The following MPZL1 variants were observed in gnomAD, a reference collection of about 807,000 sequenced individuals.
MPZL1 encodes the protein myelin protein zero like 1, also known as myelin protein zero-like protein 1.
MPZL1 carries 16 observed loss-of-function variants against 29.3 expected under a neutral mutation model. That is an observed-to-expected ratio of 0.55 (90% CI 0.37 to 0.83). The LOEUF is 0.83. MPZL1 is among the 40% of genes least tolerant of loss of function. The pLI is 0.00. For missense variants in MPZL1, 279 were observed against 332.9 expected, an observed-to-expected ratio of 0.84 and a Z score of 1.26; for synonymous variants, 143 against 132.0, an observed-to-expected ratio of 1.08 and a Z score of -0.57.
chr1:167,759,059 G>C (rs1214005702), intron 1 of MPZL1, among the ~76,000 whole-genome samples: 1 of 152,020 alleles, frequency 6.6e-6, no homozygotes, highest in Non-Finnish European at 1.5e-5. Flanking sequence ...TTTTATTCAG[G>C]AATCAACAGA....
chr1:167,787,634 T>C (rs752116657), intron 5 of MPZL1, among the ~76,000 whole-genome samples, 186 bp from the exon 6 acceptor site: 8 of 152,248 alleles, frequency 5.3e-5, no homozygotes, highest in African/African-American at 9.6e-5. Context: ...TGTCAACGTA[T>C]GTCCAATCTT....
chr1:167,746,044 C>T (rs1387170531), intron 1 of MPZL1, among the ~76,000 whole-genome samples: 3 of 152,062 alleles, frequency 2.0e-5, no homozygotes, highest in Non-Finnish European at 4.4e-5. Context: ...ACAATTTTTA[C>T]ACCTTTATAA....
intron 1 of MPZL1, among the ~76,000 whole-genome samples, chr1:167,738,071 G>A (rs949364182): frequency 1.3e-5 from 2 of 152,132 alleles, no homozygotes; most frequent in East Asian, 1.9e-4. Flanking sequence ...GACTACAGGC[G>A]CCTGCCACTG....
intron 5 of MPZL1, among the ~76,000 whole-genome samples, chr1:167,783,312 A>G (rs1661530611): frequency 6.6e-6 from 1 of 152,188 alleles, no homozygotes; most frequent in African/African-American, 2.4e-5. Flanking sequence ...TTAGAGTGTT[A>G]AGGCACTGTG....
intron 5 of MPZL1, chr1:167,787,173 T>C (rs1026929846): frequency 2.0e-5 from 3 of 152,218 alleles, no homozygotes; most frequent in Non-Finnish European, 4.4e-5. Context: ...TTTAATTTTA[T>C]TTTAAAACAG....
intron 1 of MPZL1, among the ~76,000 whole-genome samples, chr1:167,753,889 C>G (rs1660811566): frequency 6.6e-6 from 1 of 151,992 alleles, no homozygotes; most frequent in South Asian, 2.1e-4. Flanking sequence ...CTCAGCTTCC[C>G]AAAGTGTTGG....
intron 1 of MPZL1, among the ~76,000 whole-genome samples, chr1:167,764,650 A>G (rs758284833): frequency 2.0e-5 from 3 of 152,250 alleles, no homozygotes; most frequent in Non-Finnish European, 4.4e-5. Flanking sequence ...TGTGATAACA[A>G]TTGCGTAACA....
intron 1 of MPZL1, among the ~76,000 whole-genome samples, chr1:167,756,125 T>C (rs947888842): frequency 1.8e-4 from 28 of 151,968 alleles, no homozygotes; most frequent in African/African-American, 6.8e-4. Flanking sequence ...CCGAGAGGGA[T>C]TTGGTAATCT....
chr1:167,737,622 T>A (rs183444585), intron 1 of MPZL1, among the ~76,000 whole-genome samples: 8 of 152,322 alleles, frequency 5.3e-5, no homozygotes, highest in Admixed American at 5.2e-4. Context: ...AGTAGATGTT[T>A]ATTGAATGAC....
At chr1:167,773,206 C>T (rs1661287911) in intron 3 of MPZL1, 30 bp from the exon 4 acceptor site, 2 of 1,600,672 alleles carry the variant, frequency 1.2e-6, no homozygotes, top group Non-Finnish European at 1.7e-6. Context: ...TAGCAATGTA[C>T]CTTAAAACTA....
chr1:167,735,494 A>G (rs768666), intron 1 of MPZL1, among the ~76,000 whole-genome samples: 51,637 of 151,818 alleles, frequency 0.34, 9,517 homozygotes, highest in African/African-American at 0.5. Context: ...CAAGATGTGC[A>G]TGTGTGTGTG....
At position 167,788,011 on chromosome 1, in the gene MPZL1, GA is replaced by G; in HGVS notation, c.*91del. 9.6e-7 allele frequency: 1 copy of G among 1,043,896 alleles called. No homozygotes were observed. The highest frequency in any genetic ancestry group is 1.5e-6 in the Non-Finnish European group (1 of 676,286). 64.7% of individuals were successfully genotyped at this position (1,043,896 alleles called of 1,614,324 possible). A position where few individuals can be genotyped will look rare whatever the true frequency, so the allele number is the denominator to read the frequency against. ...TAGCCCATTACCACATGTAGCCTTG[GA>G]GACCCAGGCAAGGACAAGTACACGT... On this transcript the variant is annotated 3_prime_UTR_variant, in exon 6 of 6. Coordinates refer to ENST00000359523, the MANE Select transcript of MPZL1 (RefSeq NM_003953.6).
chr1:167,735,129 G>A (rs75702586), intron 1 of MPZL1, among the ~76,000 whole-genome samples: 1,914 of 152,270 alleles, frequency 0.013, 36 homozygotes, highest in African/African-American at 0.042. Flanking sequence ...TTGAATCCCT[G>A]AGCTCATCCA....
At chr1:167,763,155 TTAAATAA>T (rs1244036307) in intron 1 of MPZL1, among the ~76,000 whole-genome samples, 1 of 152,204 alleles carries the variant, frequency 6.6e-6, no homozygotes, top group African/African-American at 2.4e-5. Flanking sequence ...AATTCCATCT[TTAAATAA>T]TGTCTCGGGA....
At position 167,753,790 on chromosome 1, in the gene MPZL1, G is replaced by A. The variant is rs539967570; in HGVS notation, c.92-11793G>A. ...GATTACAGGTGCCCGCCATCACGCCGGGCTAATTTTCGTATTTTTAGTAGA... is the reference window on the plus strand; with the variant it reads ...GATTACAGGTGCCCGCCATCACGCCAGGCTAATTTTCGTATTTTTAGTAGA... On this transcript the variant is annotated intron_variant, in intron 1 of 5. Coordinates refer to ENST00000359523, the MANE Select transcript of MPZL1 (RefSeq NM_003953.6). Among the ~76,000 whole-genome samples the A allele has an allele frequency of 1.6e-4, 25 of 151,860 alleles. No homozygotes were observed. The South Asian group carries it at 2.7e-3, about 16-fold the overall frequency.
intron 1 of MPZL1, among the ~76,000 whole-genome samples, chr1:167,739,005 C>T (rs546935255): frequency 2.3e-4 from 35 of 151,922 alleles, no homozygotes; most frequent in Non-Finnish European, 4.3e-4. Flanking sequence ...TACAGTGGCT[C>T]AATCTTGGCT....
At chr1:167,728,126 TCCTC>T (rs141169091) in intron 1 of MPZL1, among the ~76,000 whole-genome samples, 7,541 of 150,908 alleles carry the variant, frequency 0.05, 626 homozygotes, top group African/African-American at 0.17. Flanking sequence ...TGCAGCCTCT[TCCTC>T]CCACGTTCAA....
At chr1:167,775,126 C>T (rs1661337725) in intron 4 of MPZL1, among the ~76,000 whole-genome samples, 1 of 152,040 alleles carries the variant, frequency 6.6e-6, no homozygotes, top group South Asian at 2.1e-4. Flanking sequence ...TTTCTTTTTT[C>T]ATATATGTAT....
intron 1 of MPZL1, among the ~76,000 whole-genome samples, chr1:167,753,682 T>C (rs958363737): frequency 6.6e-6 from 1 of 151,460 alleles, no homozygotes; most frequent in Non-Finnish European, 1.5e-5. Flanking sequence ...CTGGATGGAG[T>C]GCAGCGGTGC....
Sources: allele counts gnomAD v4.1 joint callset (sites outside exome capture counted in the v4.1 genomes callset), GRCh38; gene constraint gnomAD v4.1.1; transcripts MANE v1.5; gene names NCBI Gene and HGNC (gene_info 2026-07-23, HGNC 2026-07-21).